Variants in BLVRA observed in about 807,000 individuals in gnomAD.
BLVRA encodes biliverdin reductase A.
A neutral mutation model predicts 32.8 loss-of-function variants in BLVRA; 22 were observed. The observed-to-expected ratio is 0.67, with a 90% CI of 0.48 to 0.96. The LOEUF (loss-of-function observed/expected upper bound fraction) is 0.96, where lower values mean the gene tolerates loss of function less well. Ranked by LOEUF, BLVRA falls within the 40% of genes least tolerant of loss-of-function variation. The probability of loss-of-function intolerance (pLI) is 0.00; values close to 1 mark genes in which losing one functional copy is unlikely to be tolerated. For synonymous variants in BLVRA, 119 were observed against 141.3 expected (o/e 0.84, Z 1.12); for missense variants, 323 against 358.1 (o/e 0.90, Z 0.79).
intron 2 of BLVRA, among the ~76,000 whole-genome samples, chr7:43,786,082 G>A (rs2095777124): frequency 6.6e-6 from 1 of 152,082 alleles, no homozygotes; most frequent in Admixed American, 6.6e-5. Flanking sequence ...CAACTAAAAG[G>A]CAGAGATTGT....
At position 43,788,025 on chromosome 7, in the gene BLVRA, G is replaced by A; in HGVS notation, c.134G>A (p.Arg45Lys). Residue 45 changes from arginine (R) to lysine (K), a missense_variant and splice_region_variant, in exon 3 of 8, where the codon AGA becomes AAA. Coordinates refer to ENST00000265523, the MANE Select transcript of BLVRA (RefSeq NM_000712.4). ...CTGAACCTGATTGGCTTCGTGTCGA[G>A]GTGGCTCACAATGTCTTTGTGCTTC... The part of the protein sequence containing the change: ...AFLNLIGFVS[R>K]RELGSIDGVQ... 6.2e-7 allele frequency: 1 copy of A among 1,614,206 alleles called. No individual in the cohort carries two copies. Among genetic ancestry groups the A allele is most frequent in the Non-Finnish European group, 8.5e-7 (1 of 1,180,038 alleles).
chr7:43,807,261 A>G lies in BLVRA; in HGVS notation c.*26A>G. 6 of 1,600,894 alleles carry G rather than the reference A, an allele frequency of 3.7e-6. No homozygotes were observed. The highest frequency in any genetic ancestry group is 5.1e-6 in the Non-Finnish European group (6 of 1,179,854). ...GAGGAGGAGGTGATGTAGCACTTCC[A>G]AGATGGCACCAGCATTTGGTTCTTC... On this transcript the variant is annotated 3_prime_UTR_variant, in exon 8 of 8. Coordinates refer to ENST00000265523, the MANE Select transcript of BLVRA (RefSeq NM_000712.4).
chr7:43,763,476 C>T (rs1381080349), intron 1 of BLVRA, among the ~76,000 whole-genome samples: 2 of 152,216 alleles, frequency 1.3e-5, no homozygotes, highest in Non-Finnish European at 2.9e-5. Context: ...CAATGTCTTT[C>T]TGCCTCTGCA....
intron 4 of BLVRA, chr7:43,791,696 A>G (rs2095786272): frequency 3.4e-6 from 1 of 291,454 alleles, no homozygotes; most frequent in Non-Finnish European, 6.8e-6. Flanking sequence ...CTCACCAGAC[A>G]GTTTAGGATG....
chr7:43,771,359 G>A (rs111583859), intron 2 of BLVRA, among the ~76,000 whole-genome samples, 189 bp downstream of exon 2: 2 of 152,266 alleles, frequency 1.3e-5, no homozygotes, highest in African/African-American at 4.8e-5. Context: ...GTTCTTATCT[G>A]TGTCTGTCTG....
At chr7:43,778,973 A>G (rs930537421) in intron 2 of BLVRA, among the ~76,000 whole-genome samples, 3 of 152,184 alleles carry the variant, frequency 2.0e-5, no homozygotes, top group Non-Finnish European at 4.4e-5. Context: ...GCAGAATATA[A>G]TCTCCTGTTG....
rs2158952 is a variant in BLVRA at position 43,796,997 on chromosome 7, C to T, written c.353-3468C>T. 4.3e-3 allele frequency among the ~76,000 whole-genome samples: 651 copies of T among 152,362 alleles called. 2 individuals carry two copies. The highest frequency in any genetic ancestry group is 7.3e-3 in the Non-Finnish European group (497 of 68,038). The stretch of plus-strand genomic sequence containing the variant: ...TTATAGAAAATGCAAATCAAATCCA[C>T]AGCCACCGTCAGTAACCACCAGCAT... On this transcript the variant is annotated intron_variant, in intron 5 of 7. Coordinates refer to ENST00000265523, the MANE Select transcript of BLVRA (RefSeq NM_000712.4).
chr7:43,794,184 C>T (rs1413527816), intron 5 of BLVRA, among the ~76,000 whole-genome samples: 3 of 151,884 alleles, frequency 2.0e-5, no homozygotes, highest in Non-Finnish European at 2.9e-5. Flanking sequence ...GAACCATGAT[C>T]GGGCCACTGC....
At chr7:43,798,425 G>A (rs1452248764) in intron 5 of BLVRA, among the ~76,000 whole-genome samples, 2 of 151,670 alleles carry the variant, frequency 1.3e-5, no homozygotes, top group Non-Finnish European at 2.9e-5. Flanking sequence ...TCATCACACT[G>A]TCTGATATTC....
intron 6 of BLVRA, 61 bp downstream of exon 6, chr7:43,800,633 CTGGCTCTCTGGGA>C: frequency 7.0e-7 from 1 of 1,437,320 alleles, no homozygotes; most frequent in Non-Finnish European, 9.8e-7. Context: ...AGATTCTTTC[CTGGCTCTCTGGGA>C]TGGGAGCTTA....
At chr7:43,776,507 C>G (rs1203736102) in intron 2 of BLVRA, among the ~76,000 whole-genome samples, 1 of 152,136 alleles carries the variant, frequency 6.6e-6, no homozygotes, top group African/African-American at 2.4e-5. Context: ...GTCTGAGAGA[C>G]AGTTTGTTAT....
At chr7:43,790,479 G>T (rs2132578567) in intron 3 of BLVRA, among the ~76,000 whole-genome samples, 1 of 152,070 alleles carries the variant, frequency 6.6e-6, no homozygotes, top group South Asian at 2.1e-4. Flanking sequence ...ACAAACATGT[G>T]TGCGTACATA....
At chr7:43,781,811 A>G (rs2095769959) in intron 2 of BLVRA, among the ~76,000 whole-genome samples, 1 of 152,228 alleles carries the variant, frequency 6.6e-6, no homozygotes, top group Non-Finnish European at 1.5e-5. Context: ...CATTTTGTAG[A>G]TGAGGAAAAT....
chr7:43,770,062 A>G (rs1366625904), intron 1 of BLVRA, among the ~76,000 whole-genome samples: 1 of 152,148 alleles, frequency 6.6e-6, no homozygotes. Context: ...TGCTTAACCA[A>G]AGAGAATGAG....
chr7:43,766,684 G>GCATCTTAT, intron 1 of BLVRA, among the ~76,000 whole-genome samples: 1 of 152,300 alleles, frequency 6.6e-6, no homozygotes, highest in East Asian at 1.9e-4. Flanking sequence ...TCCTGACGGT[G>GCATCTTAT]CATCTTATCG....
chr7:43,774,011 T>C (rs2095757606), intron 2 of BLVRA, among the ~76,000 whole-genome samples: 1 of 152,236 alleles, frequency 6.6e-6, no homozygotes, highest in Non-Finnish European at 1.5e-5. Context: ...GTAAATTTGT[T>C]TGAGTTCATT....
At position 43,787,559 on chromosome 7, in the gene BLVRA, G is replaced by T. The variant is rs1180078273; in HGVS notation, c.13-345G>T. 6.6e-6 allele frequency among the ~76,000 whole-genome samples: 1 copy of T among 152,180 alleles called. No individual in the cohort carries two copies. Among genetic ancestry groups the T allele is most frequent in the Non-Finnish European group, 1.5e-5 (1 of 68,036 alleles). On this transcript the variant is annotated intron_variant, in intron 2 of 7. Coordinates refer to ENST00000265523, the MANE Select transcript of BLVRA (RefSeq NM_000712.4). The surrounding 1 kb of genome is among the most constrained non-coding windows in gnomAD (Gnocchi z 4.5). Reference sequence around the variant, plus strand: ...GGACCCAGGGAGGGCAGAAGTACCAGGCCATGGGCTGGGTCTGGGTTAATG... The same window carrying T: ...GGACCCAGGGAGGGCAGAAGTACCATGCCATGGGCTGGGTCTGGGTTAATG...
chr7:43,780,912 C>T (rs1046060485), intron 2 of BLVRA, among the ~76,000 whole-genome samples: 6 of 152,192 alleles, frequency 3.9e-5, no homozygotes, highest in Non-Finnish European at 5.9e-5. Flanking sequence ...TTTGGGAGGC[C>T]GAGGTGGGCG....
At chr7:43,780,108 G>C (rs1205528417) in intron 2 of BLVRA, among the ~76,000 whole-genome samples, 1 of 152,090 alleles carries the variant, frequency 6.6e-6, no homozygotes, top group Non-Finnish European at 1.5e-5. Flanking sequence ...CTGACCTCGA[G>C]TGATCCTCCC....
Sources: gnomAD v4.1 joint callset for allele counts (sites outside exome capture counted in the v4.1 genomes callset) on GRCh38, gnomAD v4.1.1 for gene constraint, Gnocchi (gnomAD v3.1) non-coding constraint, MANE v1.5 for transcripts, NCBI Gene and HGNC (gene_info 2026-07-23, HGNC 2026-07-21) for gene names.